TRPM4: variants seen among roughly 807,000 people sequenced by gnomAD.
TRPM4 encodes the protein transient receptor potential cation channel subfamily M member 4.
In TRPM4, 124 loss-of-function variants were observed where a neutral mutation model predicts 135.6. The observed-to-expected ratio is 0.91, with a 90% CI of 0.79 to 1.06. TRPM4 has a LOEUF of 1.06. Ranked by LOEUF, TRPM4 falls within the 50% of genes least tolerant of loss-of-function variation. The pLI, the probability that TRPM4 is intolerant of heterozygous loss-of-function variation, is 0.00. For missense variants in TRPM4, 1,658 were observed against 1,671.4 expected (o/e 0.99, Z 0.14); for synonymous variants, 745 against 705.6 (o/e 1.06, Z -0.88).
At position 49,167,815 on chromosome 19, in the gene TRPM4, CCCG is replaced by C. The variant is rs1568458539; in HGVS notation, c.268-101_268-99del. 15 of 996,784 alleles carry C rather than the reference CCCG, an allele frequency of 1.5e-5. 2 individuals carry two copies. The highest frequency in any genetic ancestry group is 4.8e-5 in the East Asian group (2 of 42,026). The allele number at this position is 996,784 out of a possible 1,614,324, so 61.7% of individuals were successfully genotyped here. ...GTCCCTCTCTCTCTGGGTCTCTGTC[CCCG>C]TCTCTCTGGGTCTCTGTCCCCGTCT... On this transcript the variant is annotated intron_variant, in intron 3 of 24. Transcript: ENST00000252826.
intron 10 of TRPM4, among the ~76,000 whole-genome samples, chr19:49,182,102 A>ATCTG (rs1568470301): frequency 3.6e-4 from 51 of 142,224 alleles, no homozygotes; most frequent in South Asian, 6.8e-4. Context: ...CTGTCCATCC[A>ATCTG]TCCATCCATC....
intron 16 of TRPM4, 142 bp downstream of exon 16, chr19:49,190,915 G>T (rs1440079820): frequency 6.0e-6 from 4 of 670,940 alleles, no homozygotes; most frequent in Non-Finnish European, 1.0e-5. Context: ...AAAGAAAAGA[G>T]GTTTCATTGG....
At chr19:49,199,291 C>T (rs1968823509) in intron 17 of TRPM4, among the ~76,000 whole-genome samples, 1 of 151,844 alleles carries the variant, frequency 6.6e-6, no homozygotes, top group Non-Finnish European at 1.5e-5. Context: ...CGGAGTCTCG[C>T]TCTGTAGCCC....
In TRPM4 at chr19:49,194,048, TCTC is replaced by T. The variant is rs143330802; in HGVS notation, c.2211-2388_2211-2386del. Among the ~76,000 whole-genome samples the T allele has an allele frequency of 5.3e-4, 65 of 121,966 alleles. 1 individual carries two copies. In the East Asian group the frequency reaches 0.012, roughly 23 times the overall value. 80.0% of individuals were successfully genotyped at this position (121,966 alleles called of 152,430 possible). On this transcript the variant is annotated intron_variant, in intron 16 of 24. Coordinates refer to ENST00000252826, the MANE Select transcript of TRPM4 (RefSeq NM_017636.4). ...TCCTCCTGCTCCTGCTCCTCCGCCT[TCTC>T]CTCATCCTACTTCTCCTCTTCATCC...
intron 16 of TRPM4, among the ~76,000 whole-genome samples, chr19:49,196,089 C>T (rs902171431): frequency 2.6e-5 from 4 of 151,810 alleles, no homozygotes; most frequent in Admixed American, 1.3e-4. Flanking sequence ...GAACTCCCTA[C>T]CTCAGGTGAT....
At chr19:49,193,649 C>T (rs1191668218) in intron 16 of TRPM4, among the ~76,000 whole-genome samples, 2 of 152,092 alleles carry the variant, frequency 1.3e-5, no homozygotes, top group African/African-American at 2.4e-5. Context: ...CTGCCTGTGG[C>T]CTGGCTGGAG....
Position 49,188,584 on chromosome 19 carries a change from C to T in TRPM4, c.1744-57C>T, listed in dbSNP as rs1000011672. The stretch of plus-strand genomic sequence containing the variant: ...CTCTGTTCCTTCCCTTGACTTCAGG[C>T]TTCCTCCCCCTCTATGAACCCTCTT... On this transcript the variant is annotated intron_variant, in intron 12 of 24. Transcript: ENST00000252826. 2.1e-5 allele frequency: 34 copies of T among 1,613,108 alleles called. No homozygotes were observed. The African/African-American group carries it at 4.1e-4, about 20-fold the overall frequency.
chr19:49,169,410 G>A lies in TRPM4; in HGVS notation c.796+674G>A, dbSNP rs1023025120. 1.4e-5 allele frequency among the ~76,000 whole-genome samples: 2 copies of A among 147,196 alleles called. 1 individual carries two copies. The highest frequency in any genetic ancestry group is 5.1e-5 in the African/African-American group (2 of 39,196). On this transcript the variant is annotated intron_variant, in intron 6 of 24. Transcript: ENST00000252826. ...CCTCAGCCTCCTGCCTCAGACTCCT[G>A]AGTAGCTGGGATTACAGGCACGTGC...
chr19:49,193,946 CCTT>C (rs1180311860), intron 16 of TRPM4, among the ~76,000 whole-genome samples: 24 of 151,338 alleles, frequency 1.6e-4, no homozygotes, highest in African/African-American at 5.6e-4. Context: ...TCCTCCTCCT[CCTT>C]CTCCTCCTCT....
chr19:49,200,977 C>G (rs191931747), intron 19 of TRPM4, among the ~76,000 whole-genome samples, 192 bp downstream of exon 19: 1 of 151,124 alleles, frequency 6.6e-6, no homozygotes, highest in Non-Finnish European at 1.5e-5. Flanking sequence ...CCCCCTCTGT[C>G]TTTCTGTCTG....
At chr19:49,158,293 G>C in intron 2 of TRPM4, 34 bp downstream of exon 2, 2 of 1,604,064 alleles carry the variant, frequency 1.2e-6, no homozygotes, top group Non-Finnish European at 1.7e-6. Flanking sequence ...ACCCCAGAGG[G>C]TCCGCGGCCC....
At chr19:49,208,162 A>G (rs1221331760) in intron 20 of TRPM4, among the ~76,000 whole-genome samples, 5 of 152,144 alleles carry the variant, frequency 3.3e-5, no homozygotes, top group Admixed American at 2.6e-4. Context: ...ACTGCTATCT[A>G]GAGGGCAGAG....
At chr19:49,175,563 G>C (rs774989246) in intron 9 of TRPM4, among the ~76,000 whole-genome samples, 2 of 151,960 alleles carry the variant, frequency 1.3e-5, no homozygotes, top group East Asian at 3.9e-4. Context: ...CCAGATACAC[G>C]GTGGCAATAT....
intron 10 of TRPM4, 66 bp downstream of exon 10, chr19:49,181,527 CT>C: frequency 1.2e-6 from 1 of 830,470 alleles, no homozygotes; most frequent in Non-Finnish European, 1.8e-6. Flanking sequence ...CCCTCTCTGC[CT>C]TCTTTTTTTT....
intron 20 of TRPM4, among the ~76,000 whole-genome samples, chr19:49,202,681 T>TC (rs1751465510): frequency 6.6e-6 from 1 of 151,694 alleles, no homozygotes; most frequent in East Asian, 1.9e-4. Context: ...AACCTCCACT[T>TC]CCCACTCCCC....
intron 15 of TRPM4, 99 bp from the exon 16 acceptor site, chr19:49,190,597 C>G: frequency 3.2e-6 from 4 of 1,266,234 alleles, no homozygotes; most frequent in Non-Finnish European, 4.6e-6. Flanking sequence ...CTCTGTCCCT[C>G]TGCCATGTCT....
At chr19:49,182,057 T>TATCCATCCATCCATCCATCCATCCATCC (rs753427789) in intron 10 of TRPM4, among the ~76,000 whole-genome samples, 1 of 130,276 alleles carries the variant, frequency 7.7e-6, no homozygotes, top group Non-Finnish European at 1.6e-5. Flanking sequence ...TCCATCCATT[T>TATCCATCCATCCATCCATCCATCCATCC]ATCCATCCAT....
In TRPM4 at chr19:49,196,875, G is replaced by A. The variant is rs1568485293; in HGVS notation, c.2645+1G>A. On this transcript the variant is annotated splice_donor_variant, in intron 17 of 24. Coordinates refer to ENST00000252826, the MANE Select transcript of TRPM4 (RefSeq NM_017636.4). LOFTEE classifies it high-confidence loss of function. ...GCTTCCTCCTGGGCGTGGGCTGCCG[G>A]TGAGTGCCCCGGGGCCTTGGAACCC... 7 of 1,578,112 alleles carry A rather than the reference G, an allele frequency of 4.4e-6. No individual in the cohort carries two copies. The highest frequency in any genetic ancestry group is 1.7e-5 in the Admixed American group (1 of 57,470).
chr19:49,209,687 C>G (rs111283888), intron 20 of TRPM4, among the ~76,000 whole-genome samples: 1 of 151,588 alleles, frequency 6.6e-6, no homozygotes, highest in Non-Finnish European at 1.5e-5. Flanking sequence ...CACCTTATAC[C>G]GTGATACCAT....
Sources: gnomAD v4.1 joint callset for allele counts (sites outside exome capture counted in the v4.1 genomes callset) on GRCh38, gnomAD v4.1.1 for gene constraint, MANE v1.5 for transcripts, NCBI Gene and HGNC (gene_info 2026-07-23, HGNC 2026-07-21) for gene names.